The following EDNRB variants were observed in gnomAD, a reference collection of about 807,000 sequenced individuals.
EDNRB encodes Hirschsprung disease 2.
In EDNRB, 18 loss-of-function variants were observed where a neutral mutation model predicts 46.4. That is an observed-to-expected ratio of 0.39 (90% CI 0.27 to 0.57). The LOEUF is 0.57. EDNRB is among the 20% of genes least tolerant of loss of function. The pLI, the probability that EDNRB is intolerant of heterozygous loss-of-function variation, is 0.61. For missense variants in EDNRB, 434 were observed against 537.5 expected, an observed-to-expected ratio of 0.81 and a Z score of 1.90; for synonymous variants, 213 against 204.9, an observed-to-expected ratio of 1.04 and a Z score of -0.34.
At chr13:77,921,508 G>T (rs1421484535), upstream of EDNRB, among the ~76,000 whole-genome samples, 1 of 152,190 alleles carries the variant, frequency 6.6e-6, no homozygotes, top group Non-Finnish European at 1.5e-5. Flanking sequence ...AAGGTCATGT[G>T]GCTAGTTAGT....
intron 3 of EDNRB, 52 bp from the exon 4 acceptor site, chr13:77,901,259 T>C (rs1878964866): frequency 6.3e-7 from 1 of 1,584,296 alleles, no homozygotes; most frequent in Non-Finnish European, 8.6e-7. Context: ...AAGAAAATCT[T>C]ATATAACAAA....
chr13:77,963,774 T>A (rs909957599), intron 1 of EDNRB, among the ~76,000 whole-genome samples: 10 of 151,980 alleles, frequency 6.6e-5, no homozygotes, highest in Admixed American at 3.9e-4. Flanking sequence ...ACAAATGGGA[T>A]CTAATTAAAC....
At chr13:77,974,091 G>A (rs1181580687) in intron 1 of EDNRB, among the ~76,000 whole-genome samples, 2 of 151,914 alleles carry the variant, frequency 1.3e-5, no homozygotes, top group African/African-American at 4.8e-5. Context: ...TGAAAACCTT[G>A]CAAGTTTGGG....
intron 1 of EDNRB, among the ~76,000 whole-genome samples, chr13:77,938,254 G>A (rs1014861037): frequency 6.6e-6 from 1 of 152,020 alleles, no homozygotes; most frequent in African/African-American, 2.4e-5. Context: ...CTCCAGAAAA[G>A]CGGGAAAGGA....
At chr13:77,955,561 T>A (rs532170923) in intron 1 of EDNRB, among the ~76,000 whole-genome samples, 1 of 152,188 alleles carries the variant, frequency 6.6e-6, no homozygotes, top group South Asian at 2.1e-4. Flanking sequence ...TTGTCCATCA[T>A]CAAGAATATT....
intron 1 of EDNRB, among the ~76,000 whole-genome samples, chr13:77,904,565 T>A (rs1879175861): frequency 6.6e-6 from 1 of 151,808 alleles, no homozygotes; most frequent in Non-Finnish European, 1.5e-5. Context: ...AAGACATAGT[T>A]ATTGCTATTA....
At chr13:77,965,387 A>C (rs2137689661) in intron 1 of EDNRB, among the ~76,000 whole-genome samples, 1 of 152,344 alleles carries the variant, frequency 6.6e-6, no homozygotes, top group South Asian at 2.1e-4. Context: ...AAGTTTAAGA[A>C]ATGCCCAAGA....
chr13:77,949,028 TAAC>T (rs1881013331), intron 1 of EDNRB, among the ~76,000 whole-genome samples: 1 of 152,224 alleles, frequency 6.6e-6, no homozygotes, highest in Non-Finnish European at 1.5e-5. Flanking sequence ...TCTCAAAAAT[TAAC>T]AAATACTTTT....
chr13:77,929,917 T>C (rs1555292929), intron 1 of EDNRB, among the ~76,000 whole-genome samples: 1 of 152,194 alleles, frequency 6.6e-6, no homozygotes, highest in Non-Finnish European at 1.5e-5. Flanking sequence ...AGTGATTGTC[T>C]AGGAAATGTC....
At chr13:77,935,662 T>C (rs1427487688) in intron 1 of EDNRB, among the ~76,000 whole-genome samples, 2 of 152,150 alleles carry the variant, frequency 1.3e-5, no homozygotes, top group Non-Finnish European at 2.9e-5. Context: ...AATTTGGGCT[T>C]GATTGAAGTA....
intron 1 of EDNRB, among the ~76,000 whole-genome samples, chr13:77,931,131 G>A (rs1880384767): frequency 6.6e-6 from 1 of 152,220 alleles, no homozygotes; most frequent in Admixed American, 6.5e-5. Flanking sequence ...TTTTACTAAA[G>A]CCATCGTGTA....
intron 1 of EDNRB, among the ~76,000 whole-genome samples, chr13:77,917,022 AAGCAACCTGG>A (rs1223618521): frequency 1.3e-5 from 2 of 152,102 alleles, no homozygotes; most frequent in Non-Finnish European, 2.9e-5. Flanking sequence ...TGGAGTTCCA[AAGCAACCTGG>A]AGCAACCTGG....
intron 1 of EDNRB, among the ~76,000 whole-genome samples, chr13:77,930,299 A>G (rs1003723789): frequency 1.3e-5 from 2 of 152,196 alleles, no homozygotes; most frequent in East Asian, 1.9e-4. Context: ...TCTGCATCAC[A>G]TACAGAGCTA....
chr13:77,909,484 G>T (rs2137624981), intron 1 of EDNRB, among the ~76,000 whole-genome samples: 1 of 152,018 alleles, frequency 6.6e-6, no homozygotes, highest in African/African-American at 2.4e-5. Flanking sequence ...CCCTGTTAAT[G>T]CCAAAAGGAG....
At chr13:77,964,542 A>C (rs1346104677) in intron 1 of EDNRB, among the ~76,000 whole-genome samples, 1 of 152,080 alleles carries the variant, frequency 6.6e-6, no homozygotes, top group African/African-American at 2.4e-5. Context: ...AAAACCAAAC[A>C]CCGCATGTTC....
chr13:77,954,287 C>A (rs1445759493), intron 1 of EDNRB, among the ~76,000 whole-genome samples: 1 of 151,916 alleles, frequency 6.6e-6, no homozygotes, highest in Non-Finnish European at 1.5e-5. Context: ...TCCTTATATG[C>A]CCCTTCTCCC....
Position 77,896,995 on chromosome 13 carries a change from A to G in EDNRB, c.*1205T>C. 1.0e-6 allele frequency: 1 copy of G among 991,788 alleles called. No homozygotes were observed. Among genetic ancestry groups the G allele is most frequent in the Non-Finnish European group, 1.2e-6 (1 of 834,386 alleles). 61.4% of individuals were successfully genotyped at this position (991,788 alleles called of 1,614,324 possible). A position where few individuals can be genotyped will look rare whatever the true frequency, so the allele number is the denominator to read the frequency against. ...TTACAAAAATAATACAAAAATTAGT[A>G]ATAAGCTTTACAGGTAGCTGTTAAA... On this transcript the variant is annotated 3_prime_UTR_variant, in exon 7 of 7. Transcript: ENST00000646607.
upstream of EDNRB, chr13:77,919,141 G>T: frequency 1.9e-6 from 1 of 516,100 alleles, no homozygotes; most frequent in South Asian, 3.2e-5. Flanking sequence ...TACAGCTCCC[G>T]CAGCGCGCCC....
intron 3 of EDNRB, among the ~76,000 whole-genome samples, chr13:77,901,801 C>T (rs1474955113): frequency 6.6e-6 from 1 of 151,840 alleles, no homozygotes; most frequent in Admixed American, 6.6e-5. Flanking sequence ...GTAACCTAGG[C>T]AGCACTTTTT....
Sources: gnomAD v4.1 joint callset for allele counts (sites outside exome capture counted in the v4.1 genomes callset) on GRCh38, gnomAD v4.1.1 for gene constraint, MANE v1.5 for transcripts, NCBI Gene and HGNC (gene_info 2026-07-23, HGNC 2026-07-21) for gene names.